Variants in AHI1 observed in about 807,000 individuals in gnomAD.
AHI1 encodes the protein Abelson helper integration site 1.
AHI1 carries 123 observed loss-of-function variants against 149.3 expected under a neutral mutation model. The ratio of observed to expected loss-of-function variants is 0.82; its 90% CI spans 0.71 to 0.96. The LOEUF (loss-of-function observed/expected upper bound fraction) is 0.96, where lower values mean the gene tolerates loss of function less well. Ranked by LOEUF, AHI1 falls within the 40% of genes least tolerant of loss-of-function variation. AHI1 has a pLI of 0.00. For synonymous variants in AHI1, 475 were observed against 459.8 expected (o/e 1.03, Z -0.42); for missense variants, 1,439 against 1,422.7 (o/e 1.01, Z -0.18).
chr6:135,311,564 T>C (rs1236812481), intron 26 of AHI1, among the ~76,000 whole-genome samples: 3 of 152,144 alleles, frequency 2.0e-5, no homozygotes, highest in Non-Finnish European at 4.4e-5. Context: ...GTAGAACAAC[T>C]CTAGTAATTA....
At chr6:135,337,097 T>C (rs182678962) in intron 24 of AHI1, among the ~76,000 whole-genome samples, 106 of 152,256 alleles carry the variant, frequency 7.0e-4, no homozygotes, top group Non-Finnish European at 1.0e-3. Flanking sequence ...TAAGCCCTCA[T>C]GGAACCATGG....
intron 4 of AHI1, 83 bp from the exon 5 acceptor site, chr6:135,490,830 T>C (rs1208471927): frequency 1.3e-6 from 2 of 1,484,700 alleles, no homozygotes; most frequent in East Asian, 2.3e-5. Flanking sequence ...AAGAAATAAG[T>C]TCTTGTAAAT....
chr6:135,480,130 A>G (rs1313715281), intron 5 of AHI1, among the ~76,000 whole-genome samples: 1 of 152,072 alleles, frequency 6.6e-6, no homozygotes, highest in Non-Finnish European at 1.5e-5. Context: ...GACTAATACA[A>G]TTTTCTACCA....
At chr6:135,293,250 A>T (rs1328170356) in intron 27 of AHI1, among the ~76,000 whole-genome samples, 1 of 152,152 alleles carries the variant, frequency 6.6e-6, no homozygotes, top group South Asian at 2.1e-4. Flanking sequence ...ATTTATAAAA[A>T]ACCTAGAATA....
intron 22 of AHI1, among the ~76,000 whole-genome samples, chr6:135,396,523 A>G (rs1327456574): frequency 1.3e-5 from 2 of 151,878 alleles, no homozygotes; most frequent in East Asian, 3.8e-4. Context: ...AAAGTAGTAT[A>G]CAAATAAGGT....
At chr6:135,405,589 G>A (rs1780646523) in intron 21 of AHI1, among the ~76,000 whole-genome samples, 1 of 152,110 alleles carries the variant, frequency 6.6e-6, no homozygotes, top group Non-Finnish European at 1.5e-5. Context: ...GCCGGGTACG[G>A]TGGCTCACGC....
chr6:135,316,395 T>C (rs945875897), intron 26 of AHI1, among the ~76,000 whole-genome samples: 2 of 152,128 alleles, frequency 1.3e-5, no homozygotes, highest in African/African-American at 4.8e-5. Context: ...GTTCACATGC[T>C]GAGGCCTCAT....
At chr6:135,396,778 G>A (rs1339303268) in intron 22 of AHI1, among the ~76,000 whole-genome samples, 1 of 151,416 alleles carries the variant, frequency 6.6e-6, no homozygotes, top group Admixed American at 6.6e-5. Flanking sequence ...GTATGCTGGA[G>A]AAATGAAGAT....
chr6:135,370,281 C>T (rs1217201295), intron 23 of AHI1, among the ~76,000 whole-genome samples: 1 of 152,130 alleles, frequency 6.6e-6, no homozygotes, highest in East Asian at 1.9e-4. Context: ...TATAACTCTC[C>T]CCAAAATGAG....
chr6:135,363,793 G>A (rs1416921382), intron 23 of AHI1, among the ~76,000 whole-genome samples: 4 of 149,314 alleles, frequency 2.7e-5, no homozygotes, highest in East Asian at 4.0e-4. Flanking sequence ...CCTCCGGGAC[G>A]GGGTGGTGGC....
intron 23 of AHI1, among the ~76,000 whole-genome samples, chr6:135,375,577 C>A (rs1249260537): frequency 1.3e-5 from 2 of 152,086 alleles, no homozygotes; most frequent in Non-Finnish European, 2.9e-5. Context: ...ATTTGTACTG[C>A]AAAGTCAAAA....
intron 5 of AHI1, among the ~76,000 whole-genome samples, chr6:135,475,065 T>C (rs1237297893): frequency 6.6e-6 from 1 of 152,216 alleles, no homozygotes; most frequent in Non-Finnish European, 1.5e-5. Flanking sequence ...GATTTTTAAC[T>C]ACAGATTCCG....
intron 23 of AHI1, among the ~76,000 whole-genome samples, chr6:135,370,513 C>T (rs575023157): frequency 6.6e-6 from 1 of 152,342 alleles, no homozygotes; most frequent in Non-Finnish European, 1.5e-5. Context: ...CTCTCCTTGC[C>T]TCAGCAGTAG....
intron 5 of AHI1, among the ~76,000 whole-genome samples, chr6:135,487,196 CACTT>C (rs931258194): frequency 3.4e-4 from 52 of 152,070 alleles, no homozygotes; most frequent in African/African-American, 9.9e-4. Context: ...TAAAAAAACT[CACTT>C]AATTTTTTTA....
chr6:135,423,837 G>T (rs937051516), intron 20 of AHI1, among the ~76,000 whole-genome samples: 1 of 152,028 alleles, frequency 6.6e-6, no homozygotes, highest in African/African-American at 2.4e-5. Context: ...TGGTTCAGAG[G>T]AGACATTGCC....
At chr6:135,430,426 A>T (rs1784488035) in intron 17 of AHI1, among the ~76,000 whole-genome samples, 1 of 151,946 alleles carries the variant, frequency 6.6e-6, no homozygotes. Flanking sequence ...TAACAACAGA[A>T]TGAACTGCTT....
chr6:135,436,377 G>A (rs943179926), intron 15 of AHI1, among the ~76,000 whole-genome samples: 2 of 152,180 alleles, frequency 1.3e-5, no homozygotes, highest in Admixed American at 1.3e-4. Flanking sequence ...GGCAAGCAGA[G>A]CAGGAGTTAA....
At chr6:135,403,263 T>C (rs1358651764) in intron 22 of AHI1, among the ~76,000 whole-genome samples, 1 of 152,142 alleles carries the variant, frequency 6.6e-6, no homozygotes, top group Non-Finnish European at 1.5e-5. Flanking sequence ...TTTGTGAATA[T>C]GGTAAAAACC....
chr6:135,411,843 T>C lies in AHI1; in HGVS notation c.2765-299A>G, dbSNP rs76916464. Among the ~76,000 whole-genome samples the C allele has an allele frequency of 0.024, 3,639 of 152,194 alleles. 65 individuals are homozygous for C. Among genetic ancestry groups the C allele is most frequent in the Middle Eastern group, 0.044 (13 of 294 alleles). On this transcript the variant is annotated intron_variant, in intron 20 of 28. Coordinates refer to ENST00000265602, the MANE Select transcript of AHI1 (RefSeq NM_001134831.2). ...AAATAATACTAAAAAATCAAAGGCA[T>C]AACAGAATTAAGGGAAATGCTAAAA... is the stretch of plus-strand genomic sequence containing the variant.
Sources: allele counts gnomAD v4.1 joint callset (sites outside exome capture counted in the v4.1 genomes callset), GRCh38; gene constraint gnomAD v4.1.1; transcripts MANE v1.5; gene names NCBI Gene and HGNC (gene_info 2026-07-23, HGNC 2026-07-21).